Variants in TCP11L2 observed in about 807,000 individuals in gnomAD.
The protein encoded by TCP11L2 is T-complex protein 11-like protein 2.
In TCP11L2, 39 loss-of-function variants were observed where a neutral mutation model predicts 50.7. The observed-to-expected ratio is 0.77, with a 90% CI of 0.60 to 1.01. TCP11L2 has a LOEUF of 1.01. Among genes scored for constraint, TCP11L2 ranks in the 50% least tolerant of loss-of-function variants. The pLI is 0.00. For synonymous variants in TCP11L2, 192 were observed against 219.3 expected (o/e 0.88, Z 1.10); for missense variants, 612 against 614.7 (o/e 1.00, Z 0.05).
At chr12:106,345,602 C>G (rs2036206459) in intron 9 of TCP11L2, among the ~76,000 whole-genome samples, 1 of 151,898 alleles carries the variant, frequency 6.6e-6, no homozygotes, top group African/African-American at 2.4e-5. Context: ...TAATCATGAA[C>G]ATTTAGGATT....
upstream of TCP11L2, among the ~76,000 whole-genome samples, chr12:106,300,917 A>C (rs1312632248): frequency 6.6e-6 from 1 of 152,198 alleles, no homozygotes; most frequent in African/African-American, 2.4e-5. Flanking sequence ...ACTCATGGTC[A>C]CCTGCTCCAA....
chr12:106,321,794 C>A, intron 5 of TCP11L2, 88 bp downstream of exon 5: 1 of 1,053,994 alleles, frequency 9.5e-7, no homozygotes, highest in Admixed American at 1.9e-5. Context: ...AGAATAACAA[C>A]TAGTACCCCA....
chr12:106,320,056 G>A (rs895909043), intron 4 of TCP11L2, among the ~76,000 whole-genome samples: 4 of 152,140 alleles, frequency 2.6e-5, no homozygotes, highest in Non-Finnish European at 5.9e-5. Flanking sequence ...GCAGATCCTC[G>A]CATCATATTG....
intron 1 of TCP11L2, among the ~76,000 whole-genome samples, chr12:106,309,595 T>C (rs1264697635): frequency 6.6e-6 from 1 of 151,876 alleles, no homozygotes; most frequent in Non-Finnish European, 1.5e-5. Context: ...AAAAAATTAC[T>C]CTTTTTCTCT....
chr12:106,310,972 G>A lies in TCP11L2; in HGVS notation c.-35-69G>A, dbSNP rs1056628686. On this transcript the variant is annotated intron_variant, in intron 1 of 9. Transcript: ENST00000299045. ...ACTTGTGGGGACAGTTGTCTACACT[G>A]GAAGAAGCATTGGTGGTGCCTGTGG... is the stretch of plus-strand genomic sequence containing the variant. 2.1e-5 allele frequency: 29 copies of A among 1,372,642 alleles called. No individual in the cohort carries two copies. The African/African-American group carries it at 3.3e-4, about 16-fold the overall frequency. The allele number at this position is 1,372,642 out of a possible 1,614,324, so 85.0% of individuals were successfully genotyped here.
In TCP11L2 at chr12:106,346,371, T is replaced by C. The variant is rs2036233552; in HGVS notation, c.1401T>C (p.Ala467=). 1 of 1,614,178 alleles carries C rather than the reference T, an allele frequency of 6.2e-7. No homozygotes were observed. The highest frequency in any genetic ancestry group is 8.5e-7 in the Non-Finnish European group (1 of 1,180,010). Residue 467 remains alanine (A), a synonymous_variant, in exon 10 of 10, where the codon GCT becomes GCC. Transcript: ENST00000299045. ...TGCCTCCTATGCCAGGAGGCCTAGCTGTCATTCAGCAGGAGCTAGAAGCCC... is the reference window on the plus strand; with the variant it reads ...TGCCTCCTATGCCAGGAGGCCTAGCCGTCATTCAGCAGGAGCTAGAAGCCC... ...KCMPPMPGGL[A]VIQQELEALG... is the part of the protein sequence containing the mutation.
chr12:106,321,403 C>G (rs760186725), intron 4 of TCP11L2, 83 bp from the exon 5 acceptor site: 17 of 1,218,388 alleles, frequency 1.4e-5, no homozygotes, highest in Non-Finnish European at 1.7e-5. Context: ...GGGCAAAGAG[C>G]TTGGTCATCT....
intron 4 of TCP11L2, among the ~76,000 whole-genome samples, chr12:106,320,810 C>T (rs541725816): frequency 3.3e-5 from 5 of 152,358 alleles, no homozygotes; most frequent in Non-Finnish European, 5.9e-5. Context: ...TGAAAGTGCT[C>T]AGTGAGCCTG....
At chr12:106,322,325 C>A (rs2035370682) in intron 5 of TCP11L2, among the ~76,000 whole-genome samples, 1 of 152,124 alleles carries the variant, frequency 6.6e-6, no homozygotes, top group Non-Finnish European at 1.5e-5. Context: ...AAGACATATG[C>A]AATATATAGC....
rs370913077 is a variant in TCP11L2 at position 106,311,040 on chromosome 12, G to A, written c.-35-1G>A. ...GACGCAGGGTCTGTTTGTCTGTGCAGGTGCTACCTTTTTACCCACACTTAA... is the reference window on the plus strand; with the variant it reads ...GACGCAGGGTCTGTTTGTCTGTGCAAGTGCTACCTTTTTACCCACACTTAA... On this transcript the variant is annotated splice_acceptor_variant, in intron 1 of 9. Transcript: ENST00000299045. LOFTEE classifies it low-confidence loss of function (5UTR_SPLICE). 3.1e-6 allele frequency: 5 copies of A among 1,609,490 alleles called. No homozygotes were observed. The African/African-American group carries it at 5.3e-5, about 17-fold the overall frequency.
In TCP11L2 at chr12:106,323,379, C is replaced by T. The variant is rs549235838; in HGVS notation, c.636-131C>T. 10 of 692,846 alleles carry T rather than the reference C, an allele frequency of 1.4e-5. No homozygotes were observed. In the South Asian group the frequency reaches 2.6e-4, roughly 18 times the overall value. The allele number at this position is 692,846 out of a possible 1,614,324, so 42.9% of individuals were successfully genotyped here. ...TGAGCTTCTATGAAACATGACCCTA[C>T]CAAATGGCAATTGGAACTTTAAAAC... On this transcript the variant is annotated intron_variant, in intron 5 of 9. Transcript: ENST00000299045.
upstream of TCP11L2, among the ~76,000 whole-genome samples, chr12:106,298,852 T>C (rs190013898): frequency 1.1e-4 from 15 of 136,068 alleles, no homozygotes; most frequent in South Asian, 2.6e-3. Context: ...GGTTTCACTC[T>C]TGTTGCCCAG....
At chr12:106,312,434 G>A in intron 2 of TCP11L2, 6 of 1,205,918 alleles carry the variant, frequency 5.0e-6, no homozygotes, top group Non-Finnish European at 6.3e-6. Flanking sequence ...AGCCACCCCA[G>A]GTTTCTGTGC....
At chr12:106,312,275 TTTTGCTG>T in intron 2 of TCP11L2, 20 of 388,066 alleles carry the variant, frequency 5.2e-5, no homozygotes, top group South Asian at 5.9e-5. Context: ...TTTTTTTTTT[TTTTGCTG>T]TTATAAATAG....
intron 4 of TCP11L2, among the ~76,000 whole-genome samples, chr12:106,319,914 A>G (rs1320898652): frequency 6.6e-6 from 1 of 152,214 alleles, no homozygotes; most frequent in Non-Finnish European, 1.5e-5. Flanking sequence ...TAAATATTCT[A>G]TATGTAAAAT....
At chr12:106,329,794 T>G (rs946065586) in intron 6 of TCP11L2, 3 of 990,072 alleles carry the variant, frequency 3.0e-6, no homozygotes, top group Admixed American at 6.1e-5. Context: ...CCACTCGCGC[T>G]CTCTCAGTTG....
intron 8 of TCP11L2, 107 bp downstream of exon 8, chr12:106,336,320 C>G: frequency 4.8e-6 from 5 of 1,039,720 alleles, no homozygotes; most frequent in Non-Finnish European, 6.8e-6. Context: ...CAGGACTGTG[C>G]TTTAGAGAAG....
upstream of TCP11L2, among the ~76,000 whole-genome samples, chr12:106,302,323 C>CCCGCTCAGCCCCCGCTCAGCCG (rs2034440078): frequency 8.9e-6 from 1 of 111,956 alleles, no homozygotes; most frequent in Non-Finnish European, 1.9e-5. Context: ...CCCCGCTCCC[C>CCCGCTCAGCCCCCGCTCAGCCG]CCGCTCAGCC....
In TCP11L2 at chr12:106,336,203, A is replaced by G. The variant is rs751626464; in HGVS notation, c.1132A>G (p.Met378Val). ...TRISAVLLEG[M>V]NKETFNLKEV... ...GATTTCAGCTGTTCTACTTGAAGGC[A>G]TGAACAAAGAGTAAGTTCCAAATTT... Residue 378 changes from methionine (M) to valine (V), a missense_variant, in exon 8 of 10, where the codon ATG becomes GTG. Transcript: ENST00000299045. 7 of 1,606,456 alleles carry G rather than the reference A, an allele frequency of 4.4e-6. No homozygotes were observed. The highest frequency in any genetic ancestry group is 4.5e-5 in the East Asian group (2 of 44,848).
Sources: gnomAD v4.1 joint callset for allele counts (sites outside exome capture counted in the v4.1 genomes callset) on GRCh38, gnomAD v4.1.1 for gene constraint, MANE v1.5 for transcripts, NCBI Gene and HGNC (gene_info 2026-07-23, HGNC 2026-07-21) for gene names.